Variants in SNX1 observed in about 807,000 individuals in gnomAD.
SNX1 encodes the protein sorting nexin-1.
In SNX1, 36 loss-of-function variants were observed where a neutral mutation model predicts 71.8. The observed-to-expected ratio is 0.50, with a 90% CI of 0.38 to 0.66. SNX1 has a LOEUF of 0.66. SNX1 is among the 30% of genes least tolerant of loss of function. SNX1 has a pLI of 0.00. For synonymous variants in SNX1, 254 were observed against 240.7 expected (o/e 1.06, Z -0.51); for missense variants, 612 against 646.7 (o/e 0.95, Z 0.58).
rs2081151278 is a variant in SNX1 at position 64,118,106 on chromosome 15, C to T, written c.272-11C>T. The T allele has an allele frequency of 6.2e-7, 1 of 1,610,192 alleles. No homozygotes were observed. Among genetic ancestry groups the T allele is most frequent in the African/African-American group, 1.3e-5 (1 of 74,742 alleles). ...ACTGACCTTCATTTTAAAATATCAA[C>T]TTCATTTTAGATGCCACAGTGGAGC... On this transcript the variant is annotated splice_polypyrimidine_tract_variant and intron_variant, in intron 2 of 14. Transcript: ENST00000559844.
chr15:64,136,989 C>T (rs1445963384), intron 14 of SNX1, 57 bp downstream of exon 14: 1 of 1,393,378 alleles, frequency 7.2e-7, no homozygotes, highest in Admixed American at 1.8e-5. Flanking sequence ...GGCCAGCTGC[C>T]TCCTCGGGGC....
intron 12 of SNX1, among the ~76,000 whole-genome samples, chr15:64,135,757 C>CA (rs573541153): frequency 0.019 from 2,061 of 108,592 alleles, 70 homozygotes; most frequent in African/African-American, 0.071. Flanking sequence ...GACTCTGTCT[C>CA]AAAAAAAAAA....
intron 1 of SNX1, among the ~76,000 whole-genome samples, chr15:64,099,199 T>C (rs1379350664): frequency 6.6e-6 from 1 of 152,232 alleles, no homozygotes; most frequent in Non-Finnish European, 1.5e-5. Flanking sequence ...CTGGCTAGCT[T>C]ATCCCTGAAC....
chr15:64,109,139 G>A (rs1029809294), intron 1 of SNX1, among the ~76,000 whole-genome samples: 3 of 152,162 alleles, frequency 2.0e-5, no homozygotes, highest in Non-Finnish European at 2.9e-5. Context: ...GGGAGGCCAT[G>A]GTGGGCAGAT....
chr15:64,113,647 C>A (rs917697673), intron 2 of SNX1, among the ~76,000 whole-genome samples: 6 of 152,078 alleles, frequency 3.9e-5, no homozygotes, highest in Non-Finnish European at 8.8e-5. Flanking sequence ...TAGTGAAACC[C>A]CATCTCTACT....
chr15:64,108,456 T>C (rs925347984), intron 1 of SNX1, among the ~76,000 whole-genome samples: 5 of 152,166 alleles, frequency 3.3e-5, no homozygotes, highest in Non-Finnish European at 7.4e-5. Flanking sequence ...TATTATGGAC[T>C]CAAATCTCGT....
intron 1 of SNX1, among the ~76,000 whole-genome samples, chr15:64,098,034 C>T (rs552702527): frequency 1.3e-5 from 2 of 152,092 alleles, no homozygotes; most frequent in Admixed American, 1.3e-4. Context: ...AAACAGGAAA[C>T]AATTTTTGTT....
chr15:64,110,554 G>A (rs1022670590), intron 1 of SNX1, among the ~76,000 whole-genome samples: 6 of 152,128 alleles, frequency 3.9e-5, no homozygotes, highest in African/African-American at 9.6e-5. Flanking sequence ...ACACCATCAC[G>A]CCAGGCTACT....
chr15:64,096,096 C>T lies in SNX1; in HGVS notation c.83C>T (p.Ala28Val), dbSNP rs575758638. Residue 28 changes from alanine (A) to valine (V), a missense_variant, in exon 1 of 15, where the codon GCG (alanine) becomes GTG (valine). Physicochemically the swap from Ala to Val is moderately conservative, Grantham distance 64 (BLOSUM62 0). Around this residue, in one of 2 missense-constraint regions of SNX1, gnomAD observed 316 missense variants for 284.9 expected, o/e 1.11. Coordinates refer to ENST00000559844, the MANE Select transcript of SNX1 (RefSeq NM_003099.5). ...GGCCTGGAGCCGGAGTCCGAGGGGG[C>T]GGCCGGGGGATCAGAACCCGAGGCT... ...FPGLEPESEG[A>V]AGGSEPEAGD... The T allele has an allele frequency of 2.6e-6, 4 of 1,566,556 alleles. No homozygotes were observed. Among genetic ancestry groups the T allele is most frequent in the South Asian group, 2.3e-5 (2 of 85,610 alleles).
At chr15:64,109,480 C>G (rs1313737186) in intron 1 of SNX1, among the ~76,000 whole-genome samples, 1 of 148,204 alleles carries the variant, frequency 6.7e-6, no homozygotes, top group African/African-American at 2.4e-5. Flanking sequence ...ACTACTCAAC[C>G]TAGTGAAGAT....
rs145307725 is a variant in SNX1, at chr15:64,111,256, GT to G, written c.160-1313del. ...TCTGTCTTTCTGCAGTGATTTTTTA[GT>G]TTTGTTTTTAAGATTGTTAAAGCAG... On this transcript the variant is annotated intron_variant, in intron 1 of 14. Transcript: ENST00000559844. 3.4e-3 allele frequency among the ~76,000 whole-genome samples: 518 copies of G among 152,248 alleles called. 6 individuals are homozygous for G. The highest frequency in any genetic ancestry group is 0.012 in the African/African-American group (484 of 41,540).
chr15:64,118,741 C>CTT, intron 3 of SNX1, 47 bp from the exon 4 acceptor site: 1 of 1,418,666 alleles, frequency 7.0e-7, no homozygotes, highest in Non-Finnish European at 9.9e-7. Flanking sequence ...AAATTGATAG[C>CTT]TTTTTTTTTC....
chr15:64,137,509 C>G (rs2081371097), intron 14 of SNX1, 59 bp from the exon 15 acceptor site: 5 of 1,602,768 alleles, frequency 3.1e-6, no homozygotes, highest in Non-Finnish European at 4.3e-6. Flanking sequence ...TCCTCCCAGG[C>G]TGGCTTAGGC....
intron 9 of SNX1, 87 bp downstream of exon 9, chr15:64,130,116 G>GA: frequency 6.8e-6 from 10 of 1,474,872 alleles, no homozygotes; most frequent in Non-Finnish European, 8.5e-6. Context: ...TCTGAGATTA[G>GA]AAACTTTTTT....
Position 64,131,761 on chromosome 15 carries a change from T to C in SNX1, c.1090T>C (p.Ser364Pro). Residue 364 changes from serine (S) to proline (P), a missense_variant, in exon 11 of 15, where the codon TCA becomes CCA. By Grantham distance (74) the Ser-to-Pro change is moderately conservative. This residue lies in a region of SNX1 where 296 missense variants were observed against 361.9 expected (regional missense o/e 0.82). Transcript: ENST00000559844. ...GAGCTCTGAGGACAACACGGCATTG[T>C]CACGGGCACTCTCCCAGCTGGCTGA... is the stretch of plus-strand genomic sequence containing the variant. Reference protein sequence around the residue: ...LGSSEDNTALSRALSQLAEVE... With the variant: ...LGSSEDNTALPRALSQLAEVE... 1.9e-6 allele frequency: 3 copies of C among 1,614,196 alleles called. No homozygotes were observed. The highest frequency in any genetic ancestry group is 2.5e-6 in the Non-Finnish European group (3 of 1,180,026).
intron 6 of SNX1, 73 bp from the exon 7 acceptor site, chr15:64,127,101 C>T: frequency 8.5e-7 from 1 of 1,178,956 alleles, no homozygotes; most frequent in Non-Finnish European, 1.2e-6. Context: ...CTCCTGTTGA[C>T]ACTTAAAAAA....
At chr15:64,115,399 T>C (rs937893123) in intron 2 of SNX1, among the ~76,000 whole-genome samples, 5 of 152,026 alleles carry the variant, frequency 3.3e-5, no homozygotes, top group Non-Finnish European at 7.3e-5. Flanking sequence ...CGTTCTGATA[T>C]CATTTTTAAA....
intron 1 of SNX1, among the ~76,000 whole-genome samples, chr15:64,104,740 C>T (rs959870144): frequency 1.3e-5 from 2 of 151,670 alleles, no homozygotes; most frequent in African/African-American, 4.8e-5. Flanking sequence ...CAAAATTTAG[C>T]TGGGTGTGAC....
intron 5 of SNX1, among the ~76,000 whole-genome samples, chr15:64,124,524 A>G (rs75975038): frequency 3.3e-5 from 5 of 151,818 alleles, no homozygotes; most frequent in Middle Eastern, 3.4e-3. Flanking sequence ...AAAAAAAAAA[A>G]ATAGTATCAT....
Sources: gnomAD v4.1 joint callset for allele counts (sites outside exome capture counted in the v4.1 genomes callset) on GRCh38, gnomAD v4.1.1 for gene constraint, gnomAD v4.1.1 regional missense constraint, MANE v1.5 for transcripts, NCBI Gene and HGNC (gene_info 2026-07-23, HGNC 2026-07-21) for gene names.